KIF6: variants seen among roughly 807,000 people sequenced by gnomAD.
The protein encoded by KIF6 is kinesin family member 6.
KIF6 carries 106 observed loss-of-function variants against 112.7 expected under a neutral mutation model. The ratio of observed to expected loss-of-function variants is 0.94; its 90% CI spans 0.80 to 1.11. The LOEUF (loss-of-function observed/expected upper bound fraction) is 1.11, where lower values mean the gene tolerates loss of function less well. Ranked by LOEUF, KIF6 falls within the 50% of genes least tolerant of loss-of-function variation. The pLI is 0.00. For synonymous variants in KIF6, 339 were observed against 339.9 expected (o/e 1.00, Z 0.03); for missense variants, 929 against 964.0 (o/e 0.96, Z 0.48).
intron 7 of KIF6, among the ~76,000 whole-genome samples, chr6:39,591,366 CTCTTAAATAAAGTGAGCT>C (rs1383814354): frequency 2.0e-5 from 3 of 152,192 alleles, no homozygotes; most frequent in African/African-American, 7.2e-5. Flanking sequence ...TTAGGGAAAT[CTCTTAAATAAAGTGAGCT>C]TCTTAAATAA....
chr6:39,489,464 T>C (rs578049089), intron 13 of KIF6, among the ~76,000 whole-genome samples: 8 of 152,192 alleles, frequency 5.3e-5, no homozygotes, highest in Admixed American at 5.2e-4. Context: ...TTCTTACTTG[T>C]GGTGAGGGAG....
chr6:39,352,643 AC>A (rs1764346930), intron 19 of KIF6, among the ~76,000 whole-genome samples: 1 of 144,084 alleles, frequency 6.9e-6, no homozygotes, highest in South Asian at 2.1e-4. Context: ...TTGCTCTGTC[AC>A]CCAGGCTGGA....
chr6:39,613,958 A>G (rs1179551367), intron 5 of KIF6, among the ~76,000 whole-genome samples: 1 of 152,066 alleles, frequency 6.6e-6, no homozygotes, highest in African/African-American at 2.4e-5. Flanking sequence ...CTTTCCTTCC[A>G]TTACATCCTT....
intron 13 of KIF6, among the ~76,000 whole-genome samples, chr6:39,440,450 T>C (rs1265592188): frequency 2.0e-5 from 3 of 152,146 alleles, no homozygotes; most frequent in African/African-American, 7.2e-5. Flanking sequence ...TGAAATAACC[T>C]TCTATCTGAA....
At chr6:39,703,770 C>T (rs1462137214) in intron 3 of KIF6, among the ~76,000 whole-genome samples, 1 of 152,216 alleles carries the variant, frequency 6.6e-6, no homozygotes, top group Non-Finnish European at 1.5e-5. Context: ...TCCAACCATT[C>T]TAACAACATA....
At chr6:39,628,947 T>C (rs1784224915) in intron 5 of KIF6, among the ~76,000 whole-genome samples, 1 of 152,194 alleles carries the variant, frequency 6.6e-6, no homozygotes, top group Non-Finnish European at 1.5e-5. Flanking sequence ...ACTTTCATGC[T>C]AACTTTTGCA....
chr6:39,701,368 T>C (rs1021148719), intron 3 of KIF6, among the ~76,000 whole-genome samples: 2 of 152,186 alleles, frequency 1.3e-5, no homozygotes, highest in African/African-American at 4.8e-5. Context: ...CAGGATATCC[T>C]CCTGCTGGGG....
chr6:39,401,085 A>T (rs1274295112), intron 15 of KIF6, among the ~76,000 whole-genome samples: 1 of 152,254 alleles, frequency 6.6e-6, no homozygotes, highest in African/African-American at 2.4e-5. Context: ...GTAAGCTAAG[A>T]TGTTGCACGT....
At chr6:39,484,777 T>A (rs1340307130) in intron 13 of KIF6, among the ~76,000 whole-genome samples, 5 of 152,202 alleles carry the variant, frequency 3.3e-5, no homozygotes, top group African/African-American at 1.2e-4. Flanking sequence ...ACTGGGCCTG[T>A]ATATATAAAG....
intron 15 of KIF6, among the ~76,000 whole-genome samples, chr6:39,416,353 G>A (rs1248102802): frequency 1.3e-5 from 2 of 152,344 alleles, no homozygotes; most frequent in East Asian, 3.9e-4. Flanking sequence ...AGACATGACA[G>A]ATGGAAGCAG....
intron 7 of KIF6, 92 bp downstream of exon 7, chr6:39,595,960 AAT>A: frequency 1.1e-6 from 1 of 940,576 alleles, no homozygotes; most frequent in Non-Finnish European, 1.6e-6. Flanking sequence ...ATTTCATCAT[AAT>A]AAAAAAAATT....
At chr6:39,582,506 G>A (rs1433436440) in intron 9 of KIF6, among the ~76,000 whole-genome samples, 2 of 152,074 alleles carry the variant, frequency 1.3e-5, no homozygotes, top group African/African-American at 2.4e-5. Flanking sequence ...CTACCTCCTG[G>A]GTTCAAGCAA....
intron 10 of KIF6, among the ~76,000 whole-genome samples, chr6:39,572,936 G>T (rs1223452062): frequency 6.7e-6 from 1 of 150,288 alleles, no homozygotes; most frequent in Non-Finnish European, 1.5e-5. Context: ...TAGAAATGCT[G>T]GGAAATGGCT....
intron 13 of KIF6, among the ~76,000 whole-genome samples, chr6:39,445,997 C>T (rs1196945740): frequency 6.6e-6 from 1 of 152,180 alleles, no homozygotes; most frequent in East Asian, 1.9e-4. Flanking sequence ...GCTTGTCAGG[C>T]AATTTTCCCT....
chr6:39,636,618 G>A (rs537090319), intron 4 of KIF6, among the ~76,000 whole-genome samples: 3 of 151,914 alleles, frequency 2.0e-5, no homozygotes, highest in Non-Finnish European at 4.4e-5. Context: ...ATATTCCATG[G>A]AATACTCCTG....
Position 39,650,150 on chromosome 6 carries a change from C to T in KIF6, c.252-10393G>A, listed in dbSNP as rs141175424. 2.1e-3 allele frequency among the ~76,000 whole-genome samples: 323 copies of T among 152,274 alleles called. 1 individual carries two copies. The highest frequency in any genetic ancestry group is 7.1e-3 in the African/African-American group (296 of 41,558). On this transcript the variant is annotated intron_variant, in intron 3 of 22. Transcript: ENST00000287152. ...CAAACCAAACTTTGCAAGAAGCAAACACATCATGGGGCACCTAATCCAAAC... is the reference window on the plus strand; with the variant it reads ...CAAACCAAACTTTGCAAGAAGCAAATACATCATGGGGCACCTAATCCAAAC...
intron 3 of KIF6, among the ~76,000 whole-genome samples, chr6:39,654,699 C>G (rs1055169230): frequency 1.1e-4 from 17 of 152,152 alleles, no homozygotes; most frequent in African/African-American, 4.1e-4. Flanking sequence ...TTAGTTATCC[C>G]TTTTGTATGC....
chr6:39,633,347 A>AG (rs1784453928), intron 5 of KIF6, among the ~76,000 whole-genome samples: 1 of 152,144 alleles, frequency 6.6e-6, no homozygotes, highest in Non-Finnish European at 1.5e-5. Flanking sequence ...CATAATATAT[A>AG]GAAAAAAAAG....
chr6:39,360,596 G>A (rs1765055235), intron 17 of KIF6, 66 bp from the exon 18 acceptor site: 1 of 1,579,758 alleles, frequency 6.3e-7, no homozygotes, highest in East Asian at 2.2e-5. Flanking sequence ...ATGCAGGGCT[G>A]TAAATGAATG....
Sources: gnomAD v4.1 joint callset for allele counts (sites outside exome capture counted in the v4.1 genomes callset) on GRCh38, gnomAD v4.1.1 for gene constraint, MANE v1.5 for transcripts, NCBI Gene and HGNC (gene_info 2026-07-23, HGNC 2026-07-21) for gene names.